Variants in GABRA4 observed in about 807,000 individuals in gnomAD.
GABRA4 encodes gamma-aminobutyric acid receptor subunit alpha-4.
In GABRA4, 12 loss-of-function variants were observed where a neutral mutation model predicts 49.7. The ratio of observed to expected loss-of-function variants is 0.24; its 90% CI spans 0.15 to 0.39. The LOEUF is 0.39. Among genes scored for constraint, GABRA4 ranks in the 10% least tolerant of loss-of-function variants. The pLI is 1.00. For missense variants in GABRA4, 506 were observed against 686.0 expected, an observed-to-expected ratio of 0.74 and a Z score of 2.93; for synonymous variants, 288 against 240.2, an observed-to-expected ratio of 1.20 and a Z score of -1.84.
In GABRA4 at chr4:46,928,294, T is replaced by C; in HGVS notation, c.1596A>G (p.Ala532=). The change falls in exon 9 of 9, where the codon GCA becomes GCG. Residue 532 remains alanine (A), a synonymous_variant. Coordinates refer to ENST00000264318, the MANE Select transcript of GABRA4 (RefSeq NM_000809.4). ...AAACAACCCAATAAACCATGTTAAATGCCCCAAATGTGACTGGAAAGAGAA... is the reference window on the plus strand; with the variant it reads ...AAACAACCCAATAAACCATGTTAAACGCCCCAAATGTGACTGGAAAGAGAA... ...ARILFPVTFG[A]FNMVYWVVYL... is the part of the protein sequence containing the mutation. The C allele has an allele frequency of 6.2e-7, 1 of 1,613,338 alleles. No homozygotes were observed. Among genetic ancestry groups the C allele is most frequent in the South Asian group, 1.1e-5 (1 of 91,070 alleles).
In GABRA4 at chr4:46,922,919, C is replaced by A. The variant is rs1003699426; in HGVS notation, c.*5306G>T. On this transcript the variant is annotated 3_prime_UTR_variant, in exon 9 of 9. Coordinates refer to ENST00000264318, the MANE Select transcript of GABRA4 (RefSeq NM_000809.4). ...ATGACCTGTTAGGAATTGGGCAGCA[C>A]AACAGGAGGTGAGTGGCACCCATTG... 5 of 152,170 alleles carry A rather than the reference C, an allele frequency of 3.3e-5. No individual in the cohort carries two copies. The highest frequency in any genetic ancestry group is 1.2e-4 in the African/African-American group (5 of 41,416). The allele number at this position is 152,170 out of a possible 1,614,324, so 9.4% of individuals were successfully genotyped here.
intron 8 of GABRA4, among the ~76,000 whole-genome samples, chr4:46,941,272 C>A (rs1721779357): frequency 6.6e-6 from 1 of 151,878 alleles, no homozygotes; most frequent in African/African-American, 2.4e-5. Context: ...TATGTTAGTA[C>A]TTAAAAAAAC....
chr4:46,992,562 C>T (rs1233417201), intron 2 of GABRA4: 3 of 476,074 alleles, frequency 6.3e-6, no homozygotes, highest in Non-Finnish European at 1.1e-5. Context: ...GACTCTTCCT[C>T]TCCAACCTCC....
intron 8 of GABRA4, among the ~76,000 whole-genome samples, chr4:46,954,998 C>T (rs1167872415): frequency 6.6e-6 from 1 of 152,078 alleles, no homozygotes; most frequent in Admixed American, 6.6e-5. Context: ...AGAGATAATT[C>T]ATGTAAAGCA....
chr4:46,959,944 A>G (rs1220695406), intron 8 of GABRA4, among the ~76,000 whole-genome samples: 5 of 151,076 alleles, frequency 3.3e-5, no homozygotes, highest in Non-Finnish European at 7.4e-5. Flanking sequence ...TGAGACAGTC[A>G]GTATATTTTA....
At chr4:46,983,623 G>A (rs1003474061) in intron 2 of GABRA4, among the ~76,000 whole-genome samples, 7 of 152,074 alleles carry the variant, frequency 4.6e-5, no homozygotes, top group South Asian at 2.1e-4. Flanking sequence ...GGTTTTAAAT[G>A]TAATAGGCTT....
chr4:46,984,577 T>C (rs1723468296), intron 2 of GABRA4, among the ~76,000 whole-genome samples: 1 of 151,534 alleles, frequency 6.6e-6, no homozygotes, highest in Non-Finnish European at 1.5e-5. Flanking sequence ...ATCAAATAAA[T>C]AAGAAAAGCA....
intron 8 of GABRA4, among the ~76,000 whole-genome samples, chr4:46,963,325 AT>A (rs1722644670): frequency 1.3e-5 from 2 of 151,830 alleles, no homozygotes; most frequent in Non-Finnish European, 2.9e-5. Flanking sequence ...TCTCAGCCAA[AT>A]CTCAACTTGA....
rs1209563459 is a variant in GABRA4, at chr4:46,924,922, A to T, written c.*3303T>A. ...GGTTAAGAGACTTGTTTAAAACCAC[A>T]AGACACTCAGAACTTGAAATTAAGT... On this transcript the variant is annotated 3_prime_UTR_variant, in exon 9 of 9. Transcript: ENST00000264318. The T allele has an allele frequency of 6.6e-6, 1 of 151,976 alleles. No homozygotes were observed. 9.4% of individuals were successfully genotyped at this position (151,976 alleles called of 1,614,324 possible).
chr4:46,979,136 T>C (rs1723258759), intron 2 of GABRA4, 38 bp from the exon 3 acceptor site: 2 of 1,259,384 alleles, frequency 1.6e-6, no homozygotes, highest in Non-Finnish European at 2.3e-6. Context: ...AAAAAATAAT[T>C]ACCAATTTTA....
chr4:46,974,115 T>A, intron 6 of GABRA4, 117 bp downstream of exon 6: 2 of 987,382 alleles, frequency 2.0e-6, no homozygotes, highest in Non-Finnish European at 3.0e-6. Context: ...TCAACTCTAT[T>A]TCTGGAAAAT....
At chr4:46,988,903 T>C (rs991431722) in intron 2 of GABRA4, among the ~76,000 whole-genome samples, 3 of 152,194 alleles carry the variant, frequency 2.0e-5, no homozygotes, top group South Asian at 4.1e-4. Flanking sequence ...AAATTGATGG[T>C]CAATTCATTG....
intron 8 of GABRA4, among the ~76,000 whole-genome samples, chr4:46,947,471 C>A (rs1405302211): frequency 6.6e-6 from 1 of 151,270 alleles, no homozygotes; most frequent in African/African-American, 2.4e-5. Flanking sequence ...AAATGGCCTA[C>A]CACAAAAGCA....
At chr4:46,934,912 C>T (rs753074410) in intron 8 of GABRA4, among the ~76,000 whole-genome samples, 1 of 152,120 alleles carries the variant, frequency 6.6e-6, no homozygotes, top group Non-Finnish European at 1.5e-5. Flanking sequence ...GAAATCATGC[C>T]AGGAACTGCT....
At chr4:46,974,398 G>T (rs1209439170) in intron 5 of GABRA4, 23 bp from the exon 6 acceptor site, 2 of 1,596,420 alleles carry the variant, frequency 1.3e-6, no homozygotes, top group Non-Finnish European at 1.7e-6. Flanking sequence ...ACAGAATGTG[G>T]TTAGAGTCAA....
intron 8 of GABRA4, among the ~76,000 whole-genome samples, chr4:46,930,032 A>G (rs570693954): frequency 1.3e-5 from 2 of 152,220 alleles, no homozygotes; most frequent in Admixed American, 6.6e-5. Flanking sequence ...CTCATCTAGC[A>G]TGTTTAAAGT....
At chr4:46,987,215 A>G (rs369081516) in intron 2 of GABRA4, among the ~76,000 whole-genome samples, 6 of 150,126 alleles carry the variant, frequency 4.0e-5, no homozygotes, top group African/African-American at 1.5e-4. Flanking sequence ...ACTTCACTAC[A>G]GGGACCCTGA....
At chr4:46,973,268 G>A (rs1417718974) in intron 6 of GABRA4, among the ~76,000 whole-genome samples, 1 of 151,676 alleles carries the variant, frequency 6.6e-6, no homozygotes, top group African/African-American at 2.4e-5. Context: ...AATAATAGGA[G>A]GTTGGCTTTG....
At chr4:46,959,818 G>A (rs1577770925) in intron 8 of GABRA4, among the ~76,000 whole-genome samples, 4 of 138,158 alleles carry the variant, frequency 2.9e-5, no homozygotes, top group African/African-American at 1.1e-4. Context: ...CAAAAATTAT[G>A]TATATATATA....
Sources: allele counts gnomAD v4.1 joint callset (sites outside exome capture counted in the v4.1 genomes callset), GRCh38; gene constraint gnomAD v4.1.1; transcripts MANE v1.5; gene names NCBI Gene and HGNC (gene_info 2026-07-23, HGNC 2026-07-21).